Variants in SLC30A7 observed in about 807,000 individuals in gnomAD.
SLC30A7 encodes the protein zinc transporter 7.
In SLC30A7, 35 loss-of-function variants were observed where a neutral mutation model predicts 46.0. The observed-to-expected ratio is 0.76, with a 90% CI of 0.58 to 1.01. The LOEUF is 1.01. SLC30A7 is among the 50% of genes least tolerant of loss of function. The pLI is 0.00. For synonymous variants in SLC30A7, 147 were observed against 157.8 expected (o/e 0.93, Z 0.51); for missense variants, 464 against 451.1 (o/e 1.03, Z -0.26).
chr1:100,912,302 T>A, intron 5 of SLC30A7, 64 bp downstream of exon 5: 2 of 1,549,238 alleles, frequency 1.3e-6, no homozygotes, highest in East Asian at 4.5e-5. Flanking sequence ...ATTATTTACT[T>A]GAGAGAATTA....
At chr1:100,957,003 A>G (rs1035436812) in intron 8 of SLC30A7, among the ~76,000 whole-genome samples, 1 of 152,198 alleles carries the variant, frequency 6.6e-6, no homozygotes, top group Non-Finnish European at 1.5e-5. Flanking sequence ...TCTGAGATGA[A>G]ATATTCTATA....
chr1:100,989,474 G>A, the SLC30A7 span: 1 of 152,170 alleles, frequency 6.6e-6, no homozygotes, highest in African/African-American at 2.4e-5. Flanking sequence ...TTTGTGGCAT[G>A]TGCTCAGCTG....
At chr1:100,929,554 G>A (rs1473909004) in intron 8 of SLC30A7, among the ~76,000 whole-genome samples, 1 of 152,050 alleles carries the variant, frequency 6.6e-6, no homozygotes, top group Non-Finnish European at 1.5e-5. Context: ...AGTATTTGCA[G>A]TTCATCAATA....
intron 8 of SLC30A7, among the ~76,000 whole-genome samples, chr1:100,940,124 AT>A (rs1281365092): frequency 6.6e-6 from 1 of 151,924 alleles, no homozygotes; most frequent in Non-Finnish European, 1.5e-5. Context: ...AGATGGGTTT[AT>A]ATATATATAG....
chr1:100,959,361 C>CGA (rs1655413849), intron 8 of SLC30A7, among the ~76,000 whole-genome samples: 1 of 152,164 alleles, frequency 6.6e-6, no homozygotes, highest in Non-Finnish European at 1.5e-5. Context: ...AAATAATACA[C>CGA]ATTATTATCT....
At chr1:100,908,492 C>G (rs1651842066) in intron 3 of SLC30A7, among the ~76,000 whole-genome samples, 1 of 152,064 alleles carries the variant, frequency 6.6e-6, no homozygotes. Flanking sequence ...GCAGAACTTG[C>G]TGATTTTAGT....
At chr1:100,924,645 T>C in intron 8 of SLC30A7, among the ~76,000 whole-genome samples, 1 of 148,662 alleles carries the variant, frequency 6.7e-6, no homozygotes, top group East Asian at 2.0e-4. Flanking sequence ...TGTTTTAAAG[T>C]CAGCACCTAA....
At chr1:100,921,026 GTTA>G (rs985721936) in intron 7 of SLC30A7, among the ~76,000 whole-genome samples, 19 of 151,960 alleles carry the variant, frequency 1.3e-4, no homozygotes, top group African/African-American at 4.6e-4. Context: ...CTTACTAAAT[GTTA>G]TTATGTCTAA....
chr1:100,959,295 T>C lies in SLC30A7; in HGVS notation c.843-2533T>C, dbSNP rs141422168. Among the ~76,000 whole-genome samples, 244 of 152,314 alleles carry C rather than the reference T, an allele frequency of 1.6e-3. 1 individual carries two copies. Among genetic ancestry groups the C allele is most frequent in the African/African-American group, 5.6e-3 (231 of 41,564 alleles). ...ATTAGTCTAACGTCTCTATAAAATA[T>C]GGTTGTATTAGTTATCTGTGGATAC... On this transcript the variant is annotated intron_variant, in intron 8 of 10. Transcript: ENST00000357650.
In SLC30A7 at chr1:100,923,806, C is replaced by T. The variant is rs190115240; in HGVS notation, c.842+1965C>T. Among the ~76,000 whole-genome samples, 456 of 152,200 alleles carry T rather than the reference C, an allele frequency of 3.0e-3. 1 individual carries two copies. Among genetic ancestry groups the T allele is most frequent in the African/African-American group, 0.011 (437 of 41,548 alleles). On this transcript the variant is annotated intron_variant, in intron 8 of 10. Transcript: ENST00000357650. Reference sequence around the variant, plus strand: ...TATAAAAAGGAAAATAAAAGGATTTCGTAAAGTTTGAAATGCCTTTTCTTC... The same window carrying T: ...TATAAAAAGGAAAATAAAAGGATTTTGTAAAGTTTGAAATGCCTTTTCTTC...
At chr1:100,952,809 A>G (rs1655025908) in intron 8 of SLC30A7, among the ~76,000 whole-genome samples, 2 of 152,162 alleles carry the variant, frequency 1.3e-5, no homozygotes, top group Non-Finnish European at 2.9e-5. Flanking sequence ...GAATTTTTTC[A>G]CAGCAACATA....
intron 8 of SLC30A7, among the ~76,000 whole-genome samples, chr1:100,931,196 G>A (rs1263354248): frequency 1.3e-5 from 2 of 152,082 alleles, no homozygotes; most frequent in Non-Finnish European, 2.9e-5. Context: ...AGTTTTTATT[G>A]AAACATCTGC....
At chr1:100,959,288 TAA>T (rs1432647881) in intron 8 of SLC30A7, among the ~76,000 whole-genome samples, 1 of 152,234 alleles carries the variant, frequency 6.6e-6, no homozygotes, top group Non-Finnish European at 1.5e-5. Flanking sequence ...AACGTCTCTA[TAA>T]AATATGGTTG....
Position 100,961,923 on chromosome 1 carries a change from G to A in SLC30A7, c.933+5G>A. ...CTGCCTCAGTGCTATCAGAGGGTGA[G>A]TTTCAAATACTCCAAACCATTGGAT... On this transcript the variant is annotated splice_donor_5th_base_variant and intron_variant, in intron 9 of 10. Coordinates refer to ENST00000357650, the MANE Select transcript of SLC30A7 (RefSeq NM_133496.5). 2.6e-6 allele frequency: 4 copies of A among 1,555,664 alleles called. No homozygotes were observed. The highest frequency in any genetic ancestry group is 3.5e-6 in the Non-Finnish European group (4 of 1,134,280).
chr1:100,971,999 C>T (rs1191160396), intron 10 of SLC30A7, among the ~76,000 whole-genome samples: 1 of 152,062 alleles, frequency 6.6e-6, no homozygotes, highest in African/African-American at 2.4e-5. Context: ...GGTGCCTTTC[C>T]CATTTATAAA....
At chr1:100,896,952 C>T (rs984986384) in intron 2 of SLC30A7, among the ~76,000 whole-genome samples, 19 of 150,220 alleles carry the variant, frequency 1.3e-4, no homozygotes, top group African/African-American at 4.7e-4. Context: ...TGGGCAGAAT[C>T]TTTCATTTCT....
rs67182429 is a variant in SLC30A7, at chr1:100,979,436, C to CAAAAAAAAAAAAAAAAAAAAAAAAA, written c.*4601_*4602insAAAAAAAAAAAAAAAAAAAAAAAAA. ...CAAATACAGTGAAAGATTATGTATC[C>CAAAAAAAAAAAAAAAAAAAAAAAAA]AAAAAAAAAAAAAAAAAAAAAAGAA... On this transcript the variant is annotated 3_prime_UTR_variant, in exon 11 of 11. Coordinates refer to ENST00000357650, the MANE Select transcript of SLC30A7 (RefSeq NM_133496.5). 1 of 90,580 alleles carries CAAAAAAAAAAAAAAAAAAAAAAAAA rather than the reference C, an allele frequency of 1.1e-5. No homozygotes were observed. Among genetic ancestry groups the CAAAAAAAAAAAAAAAAAAAAAAAAA allele is most frequent in the Non-Finnish European group, 2.2e-5 (1 of 45,638 alleles). The allele number at this position is 90,580 out of a possible 1,614,324, so 5.6% of individuals were successfully genotyped here.
chr1:100,906,131 A>T (rs183919161), intron 2 of SLC30A7, among the ~76,000 whole-genome samples: 13 of 152,240 alleles, frequency 8.5e-5, no homozygotes. Flanking sequence ...ACAGTCTTTG[A>T]ATTTTTCAGT....
downstream of SLC30A7, among the ~76,000 whole-genome samples, chr1:100,985,807 T>C (rs1345087176): frequency 6.6e-5 from 10 of 152,198 alleles, no homozygotes; most frequent in African/African-American, 1.4e-4. Context: ...GCATAATCTA[T>C]GTAAGAAAAC....
Sources: gnomAD v4.1 joint callset for allele counts (sites outside exome capture counted in the v4.1 genomes callset) on GRCh38, gnomAD v4.1.1 for gene constraint, MANE v1.5 for transcripts, NCBI Gene and HGNC (gene_info 2026-07-23, HGNC 2026-07-21) for gene names.